GRID2: variants seen among roughly 807,000 people sequenced by gnomAD.
GRID2 encodes glutamate ionotropic receptor delta type subunit 2, also known as glutamate receptor ionotropic, delta-2.
Under a neutral mutation model 114.8 loss-of-function variants are expected in GRID2, and 33 were observed. The observed-to-expected ratio is 0.29, with a 90% CI of 0.22 to 0.38. GRID2 has a LOEUF of 0.38. Ranked by LOEUF, GRID2 falls within the 10% of genes least tolerant of loss-of-function variation. GRID2 has a pLI of 1.00. For missense variants in GRID2, 1,184 were observed against 1,257.7 expected, an observed-to-expected ratio of 0.94 and a Z score of 0.89; for synonymous variants, 505 against 449.9, an observed-to-expected ratio of 1.12 and a Z score of -1.55.
chr4:93,603,219 A>AT (rs1469080762), intron 13 of GRID2, among the ~76,000 whole-genome samples: 1 of 150,494 alleles, frequency 6.6e-6, no homozygotes, highest in Non-Finnish European at 1.5e-5. Flanking sequence ...TCAAAAAAAA[A>AT]GAAAAGAAAA....
chr4:92,636,789 T>C (rs1343005056), intron 2 of GRID2, among the ~76,000 whole-genome samples: 1 of 152,042 alleles, frequency 6.6e-6, no homozygotes. Flanking sequence ...CACATCACAG[T>C]TGAACAAGCC....
At chr4:92,793,563 AGAAAAT>A (rs1337327842) in intron 2 of GRID2, among the ~76,000 whole-genome samples, 1 of 151,798 alleles carries the variant, frequency 6.6e-6, no homozygotes, top group Non-Finnish European at 1.5e-5. Context: ...AAAAAAAAAA[AGAAAAT>A]AGTTGAAGTA....
chr4:93,523,101 G>C (rs113395910), intron 13 of GRID2, among the ~76,000 whole-genome samples: 128 of 152,190 alleles, frequency 8.4e-4, no homozygotes, highest in Non-Finnish European at 1.1e-3. Context: ...TTCGGGACAA[G>C]GGTCTAGAAA....
chr4:93,197,837 G>A (rs1741657972), intron 4 of GRID2, among the ~76,000 whole-genome samples: 2 of 152,060 alleles, frequency 1.3e-5, no homozygotes, highest in African/African-American at 2.4e-5. Flanking sequence ...GTATCAGATA[G>A]TCTCCAAGTC....
chr4:92,745,878 G>A (rs918345127), intron 2 of GRID2, among the ~76,000 whole-genome samples: 3 of 152,074 alleles, frequency 2.0e-5, no homozygotes, highest in Non-Finnish European at 4.4e-5. Context: ...AGAAAAAGAA[G>A]CATGATCAGC....
intron 1 of GRID2, among the ~76,000 whole-genome samples, chr4:92,556,054 G>A (rs1232808816): frequency 6.6e-6 from 1 of 152,112 alleles, no homozygotes; most frequent in Non-Finnish European, 1.5e-5. Context: ...AATCTGAGAT[G>A]TAATCTCCAG....
chr4:93,633,323 C>T (rs1007908413), intron 14 of GRID2, among the ~76,000 whole-genome samples: 11 of 151,716 alleles, frequency 7.3e-5, no homozygotes, highest in Admixed American at 1.3e-4. Context: ...AGTAAAAATA[C>T]AAATTATTCA....
intron 8 of GRID2, among the ~76,000 whole-genome samples, chr4:93,359,100 T>C (rs1223543420): frequency 1.3e-5 from 2 of 152,068 alleles, no homozygotes; most frequent in African/African-American, 2.4e-5. Flanking sequence ...TCACCTAAGA[T>C]AGCTGATCTG....
chr4:93,509,296 G>A (rs1728940940), intron 12 of GRID2, among the ~76,000 whole-genome samples: 1 of 152,024 alleles, frequency 6.6e-6, no homozygotes, highest in Admixed American at 6.6e-5. Context: ...AAATTTAGGA[G>A]GTAAAATATA....
intron 2 of GRID2, among the ~76,000 whole-genome samples, chr4:92,891,424 G>T (rs1419554568): frequency 6.6e-6 from 1 of 152,174 alleles, no homozygotes; most frequent in Non-Finnish European, 1.5e-5. Flanking sequence ...ACTAAGCAAA[G>T]TAGAAAGAGA....
intron 2 of GRID2, among the ~76,000 whole-genome samples, chr4:92,844,063 A>T (rs1385876076): frequency 6.6e-6 from 1 of 152,176 alleles, no homozygotes; most frequent in African/African-American, 2.4e-5. Context: ...TTGATAATCT[A>T]TTAAGTTGAC....
Position 93,329,483 on chromosome 4 carries a change from T to G in GRID2, c.1246-66124T>G, listed in dbSNP as rs1222007415. Among the ~76,000 whole-genome samples, 3 of 152,136 alleles carry G rather than the reference T, an allele frequency of 2.0e-5. No individual in the cohort carries two copies. In the East Asian group the frequency reaches 5.8e-4, roughly 29 times the overall value. On this transcript the variant is annotated intron_variant, in intron 8 of 15. Transcript: ENST00000282020. ...GATCTGAGTCATGTTATCAATACAT[T>G]AGGTCATGCTATCATGAAAGAAAAC...
chr4:93,450,862 C>A (rs1722623833), intron 10 of GRID2, among the ~76,000 whole-genome samples: 1 of 151,612 alleles, frequency 6.6e-6, no homozygotes, highest in South Asian at 2.1e-4. Flanking sequence ...TAGCTATTTG[C>A]AAATAATGTA....
chr4:93,536,411 G>A (rs1732083171), intron 13 of GRID2, among the ~76,000 whole-genome samples: 1 of 151,852 alleles, frequency 6.6e-6, no homozygotes, highest in South Asian at 2.1e-4. Flanking sequence ...TGCATATACA[G>A]TCAACTAATT....
intron 2 of GRID2, among the ~76,000 whole-genome samples, chr4:92,838,461 T>C (rs995881383): frequency 2.0e-5 from 3 of 152,122 alleles, no homozygotes; most frequent in African/African-American, 7.2e-5. Context: ...CTATATACAG[T>C]ATTCCTAGCT....
chr4:93,531,831 T>G (rs1731479759), intron 13 of GRID2, among the ~76,000 whole-genome samples: 1 of 152,130 alleles, frequency 6.6e-6, no homozygotes, highest in African/African-American at 2.4e-5. Flanking sequence ...GGAAGGTTGA[T>G]TCTGAATTAT....
intron 4 of GRID2, among the ~76,000 whole-genome samples, chr4:93,121,061 G>C (rs1231394949): frequency 6.6e-6 from 1 of 151,994 alleles, no homozygotes; most frequent in Admixed American, 6.6e-5. Flanking sequence ...AAACCTGCAC[G>C]TTCTGCACAT....
At chr4:93,030,557 G>A (rs1724314277) in intron 2 of GRID2, among the ~76,000 whole-genome samples, 2 of 151,412 alleles carry the variant, frequency 1.3e-5, no homozygotes, top group Non-Finnish European at 3.0e-5. Context: ...GCTAATTTTT[G>A]TATTTTTAGT....
At position 93,652,784 on chromosome 4, in the gene GRID2, TAAAAAAAAAAAAAAA is replaced by T. The variant is rs200098114; in HGVS notation, c.2360+26363_2360+26377del. Reference sequence around the variant, plus strand: ...GAATGACAGTAAATGCAGTAAATGCTAAAAAAAAAAAAAAAAAAAAAAAAAAAATGAACTGGAACA... The same window carrying T: ...GAATGACAGTAAATGCAGTAAATGCTAAAAAAAAAAAAATGAACTGGAACA... On this transcript the variant is annotated intron_variant, in intron 14 of 15. Coordinates refer to ENST00000282020, the MANE Select transcript of GRID2 (RefSeq NM_001510.4). 1.6e-3 allele frequency among the ~76,000 whole-genome samples: 140 copies of T among 86,388 alleles called. 1 individual carries two copies. In the East Asian group the frequency reaches 0.065, roughly 40 times the overall value. 56.7% of individuals were successfully genotyped at this position (86,388 alleles called of 152,430 possible). A position where few individuals can be genotyped will look rare whatever the true frequency, so the allele number is the denominator to read the frequency against.
Sources: allele counts gnomAD v4.1 joint callset (sites outside exome capture counted in the v4.1 genomes callset), GRCh38; gene constraint gnomAD v4.1.1; transcripts MANE v1.5; gene names NCBI Gene and HGNC (gene_info 2026-07-23, HGNC 2026-07-21).